ZNF726: variants seen among roughly 807,000 people sequenced by gnomAD.
The protein encoded by ZNF726 is zinc finger protein 92 pseudogene 3.
ZNF726 carries 15 observed loss-of-function variants against 11.6 expected under a neutral mutation model. That is an observed-to-expected ratio of 1.29 (90% CI 0.86 to 1.99). The LOEUF (loss-of-function observed/expected upper bound fraction) is 1.99, where lower values mean the gene tolerates loss of function less well. Among genes scored for constraint, ZNF726 ranks in the 30% most tolerant of loss-of-function variants. The pLI is 0.00. For synonymous variants in ZNF726, 295 were observed against 243.6 expected, an observed-to-expected ratio of 1.21 and a Z score of -1.96; for missense variants, 890 against 725.6, an observed-to-expected ratio of 1.23 and a Z score of -2.60.
Position 23,933,498 on chromosome 19 carries a change from C to T in ZNF726, c.1382C>T (p.Ala461Val), listed in dbSNP as rs923565547. ...KPYKCEECSKAFSRSSALTTH... is the reference protein window; with the variant it reads ...KPYKCEECSKVFSRSSALTTH... Reference sequence around the variant, plus strand: ...TACAAATGTGAAGAATGTAGTAAAGCATTTAGCCGATCCTCAGCCCTAACT... The same window carrying T: ...TACAAATGTGAAGAATGTAGTAAAGTATTTAGCCGATCCTCAGCCCTAACT... The change falls in exon 4 of 4, where the codon GCA (alanine) becomes GTA (valine). Residue 461 changes from alanine to valine, a missense_variant. By Grantham distance (64) the Ala-to-Val change is moderately conservative. Transcript: ENST00000594466. 6.2e-7 allele frequency: 1 copy of T among 1,612,532 alleles called. No individual in the cohort carries two copies. The highest frequency in any genetic ancestry group is 2.2e-5 in the East Asian group (1 of 44,846).
chr19:23,932,497 A>G lies in ZNF726; in HGVS notation c.381A>G (p.Lys127=), dbSNP rs746042671. 49 of 1,588,598 alleles carry G rather than the reference A, an allele frequency of 3.1e-5. No individual in the cohort carries two copies. The highest frequency in any genetic ancestry group is 4.2e-5 in the Non-Finnish European group (49 of 1,171,948). ...GTGTGGATGAGTGTAAGGTACACAAAGAAGGTTATAATGGACTTAACCAGT... is the reference window on the plus strand; with the variant it reads ...GTGTGGATGAGTGTAAGGTACACAAGGAAGGTTATAATGGACTTAACCAGT... ...CKSVDECKVH[K]EGYNGLNQCF... The change falls in exon 4 of 4, where the codon AAA becomes AAG. Residue 127 remains lysine, a synonymous_variant. Coordinates refer to ENST00000594466, the MANE Select transcript of ZNF726 (RefSeq NM_001244038.2).
At chr19:23,925,113 T>C (rs1314652396) in intron 3 of ZNF726, among the ~76,000 whole-genome samples, 1 of 152,178 alleles carries the variant, frequency 6.6e-6, no homozygotes, top group Non-Finnish European at 1.5e-5. Context: ...CATCCATCAT[T>C]TCTTTACTGG....
In ZNF726 at chr19:23,933,034, G is replaced by A. The variant is rs191907309; in HGVS notation, c.918G>A (p.Met306Ile). The A allele has an allele frequency of 1.9e-6, 3 of 1,611,938 alleles. No individual in the cohort carries two copies. The highest frequency in any genetic ancestry group is 1.7e-6 in the Non-Finnish European group (2 of 1,179,628). Residue 306 changes from methionine to isoleucine, a missense_variant, in exon 4 of 4, where the codon ATG becomes ATA. By Grantham distance (10) the Met-to-Ile change is conservative. Coordinates refer to ENST00000594466, the MANE Select transcript of ZNF726 (RefSeq NM_001244038.2). ...CAGCACTAACCATACATAAGAGGAT[G>A]CACATTGGAGAGAAACCCTACAAAT... is the stretch of plus-strand genomic sequence containing the variant. Reference protein sequence around the residue: ...QPSALTIHKRMHIGEKPYKCE... With the variant: ...QPSALTIHKRIHIGEKPYKCE...
At chr19:23,937,604 GCTC>G (rs1968267118), downstream of ZNF726, among the ~76,000 whole-genome samples, 1 of 150,348 alleles carries the variant, frequency 6.7e-6, no homozygotes, top group South Asian at 2.1e-4. Context: ...GGGAAGAGGC[GCTC>G]CTCACTTCCT....
chr19:23,927,131 A>T (rs977998258), intron 3 of ZNF726, among the ~76,000 whole-genome samples: 2 of 151,680 alleles, frequency 1.3e-5, no homozygotes, highest in South Asian at 2.1e-4. Context: ...GCCCAGCTAA[A>T]TTTTTTTGTA....
chr19:23,937,114 G>A (rs1384009367), downstream of ZNF726, among the ~76,000 whole-genome samples: 3 of 149,570 alleles, frequency 2.0e-5, no homozygotes, highest in South Asian at 2.1e-4. Flanking sequence ...CCTCCCGGCC[G>A]GGGCGGCTGG....
At chr19:23,926,660 C>T (rs796439115) in intron 3 of ZNF726, among the ~76,000 whole-genome samples, 18 of 150,654 alleles carry the variant, frequency 1.2e-4, no homozygotes, top group South Asian at 4.2e-4. Flanking sequence ...TTCATTTTAT[C>T]GTTATGGATG....
intron 3 of ZNF726, among the ~76,000 whole-genome samples, chr19:23,924,814 G>C (rs1304447938): frequency 6.6e-6 from 1 of 151,922 alleles, no homozygotes; most frequent in African/African-American, 2.4e-5. Flanking sequence ...ATTACTTGAC[G>C]CTGGGAGTGT....
In ZNF726 at chr19:23,932,338, T is replaced by C. The variant is rs1968124484; in HGVS notation, c.227-5T>C. On this transcript the variant is annotated splice_polypyrimidine_tract_variant and splice_region_variant and intron_variant, in intron 3 of 3. Transcript: ENST00000594466. ...GTGGAGTAAATTATTTTAATTTTTT[T>C]TTAGGTATATGTCCTCATTTTGCTC... 1 of 1,337,184 alleles carries C rather than the reference T, an allele frequency of 7.5e-7. No homozygotes were observed. The highest frequency in any genetic ancestry group is 9.6e-7 in the Non-Finnish European group (1 of 1,039,900). The allele number at this position is 1,337,184 out of a possible 1,614,324, so 82.8% of individuals were successfully genotyped here.
chr19:23,928,404 T>C (rs1402018197), intron 3 of ZNF726: 1 of 152,250 alleles, frequency 6.6e-6, no homozygotes, highest in East Asian at 1.9e-4. Context: ...TCTTGATGTC[T>C]ACAATTATTA....
intron 3 of ZNF726, among the ~76,000 whole-genome samples, chr19:23,942,437 G>A (rs1968353069): frequency 6.6e-6 from 1 of 152,176 alleles, no homozygotes; most frequent in Non-Finnish European, 1.5e-5. Flanking sequence ...GTGTTCTGCG[G>A]TTGTAGGATT....
chr19:23,926,589 A>G (rs1424051409), intron 3 of ZNF726, among the ~76,000 whole-genome samples: 2 of 143,662 alleles, frequency 1.4e-5, no homozygotes, highest in Admixed American at 7.1e-5. Context: ...AAAAAAAAAA[A>G]GTTATCTTCC....
chr19:23,929,207 T>C (rs1968052306), intron 3 of ZNF726: 1 of 152,246 alleles, frequency 6.6e-6, no homozygotes, highest in African/African-American at 2.4e-5. Flanking sequence ...TTAAATTTCA[T>C]TTTAATTGTG....
intron 3 of ZNF726, among the ~76,000 whole-genome samples, chr19:23,941,138 A>G (rs1331768397): frequency 2.0e-5 from 3 of 152,080 alleles, no homozygotes; most frequent in South Asian, 2.1e-4. Context: ...CTTTTATTAC[A>G]TGAAGTTGTG....
intron 3 of ZNF726, among the ~76,000 whole-genome samples, chr19:23,939,851 T>A (rs1968308150): frequency 6.8e-6 from 1 of 148,148 alleles, no homozygotes; most frequent in Non-Finnish European, 1.5e-5. Context: ...TTTGGCCCAC[T>A]TTTTGATGGG....
At position 23,934,278 on chromosome 19, in the gene ZNF726, G is replaced by C. The variant is rs1173866080; in HGVS notation, c.*311G>C. ...TCCACACCCCTAAGTAGACATAAGA[G>C]GATGCACACTGGAGAGAAACCTTAC... On this transcript the variant is annotated 3_prime_UTR_variant, in exon 4 of 4. Coordinates refer to ENST00000594466, the MANE Select transcript of ZNF726 (RefSeq NM_001244038.2). 1 of 623,078 alleles carries C rather than the reference G, an allele frequency of 1.6e-6. No homozygotes were observed. The highest frequency in any genetic ancestry group is 1.4e-5 in the South Asian group (1 of 71,324). The allele number at this position is 623,078 out of a possible 1,614,324, so 38.6% of individuals were successfully genotyped here.
intron 3 of ZNF726, chr19:23,929,084 A>C (rs950477573): frequency 1.2e-4 from 18 of 151,970 alleles, no homozygotes; most frequent in Non-Finnish European, 2.4e-4. Flanking sequence ...ATTTTTTTCT[A>C]TTAAGTAGTT....
chr19:23,929,571 G>A (rs533500656), intron 3 of ZNF726, among the ~76,000 whole-genome samples: 11 of 152,224 alleles, frequency 7.2e-5, no homozygotes, highest in South Asian at 2.1e-4. Context: ...CTTCCACCAC[G>A]TCCCTCCCAC....
chr19:23,941,506 G>A (rs1968338249), intron 3 of ZNF726, among the ~76,000 whole-genome samples: 1 of 152,134 alleles, frequency 6.6e-6, no homozygotes, highest in Admixed American at 6.5e-5. Flanking sequence ...ATGAATTAGG[G>A]AGGGTTCCTT....
Sources: gnomAD v4.1 joint callset for allele counts (sites outside exome capture counted in the v4.1 genomes callset) on GRCh38, gnomAD v4.1.1 for gene constraint, MANE v1.5 for transcripts, NCBI Gene and HGNC (gene_info 2026-07-23, HGNC 2026-07-21) for gene names.